CYBC1: variants seen among roughly 807,000 people sequenced by gnomAD.
CYBC1 encodes the protein essential for reactive oxygen species protein.
CYBC1 carries 22 observed loss-of-function variants against 21.7 expected under a neutral mutation model. The ratio of observed to expected loss-of-function variants is 1.02; its 90% CI spans 0.73 to 1.45. CYBC1 has a LOEUF of 1.45. Ranked by LOEUF, CYBC1 falls within the 40% of genes most tolerant of loss-of-function variation. The pLI is 0.00. For missense variants in CYBC1, 237 were observed against 242.1 expected (o/e 0.98, Z 0.14); for synonymous variants, 112 against 98.7 (o/e 1.13, Z -0.80).
Position 82,443,570 on chromosome 17 carries a change from T to A in CYBC1, c.*434A>T. On this transcript the variant is annotated 3_prime_UTR_variant, in exon 7 of 7. Transcript: ENST00000306645. This position sits in a 1 kb window ranked among gnomAD's most constrained non-coding sequence, Gnocchi z 6.7. Reference sequence around the variant, plus strand: ...GCCCGGCCTGGCCCCGCCTCTCCACTCGCCCGAGGTCTTGCTGTGGCCCAA... The same window carrying A: ...GCCCGGCCTGGCCCCGCCTCTCCACACGCCCGAGGTCTTGCTGTGGCCCAA... 2.8e-4 allele frequency: 189 copies of A among 669,176 alleles called. No homozygotes were observed. Among genetic ancestry groups the A allele is most frequent in the East Asian group, 5.9e-4 (20 of 33,684 alleles). 41.5% of individuals were successfully genotyped at this position (669,176 alleles called of 1,614,324 possible). A position where few individuals can be genotyped will look rare whatever the true frequency, so the allele number is the denominator to read the frequency against.
intron 2 of CYBC1, 93 bp downstream of exon 2, chr17:82,449,077 G>GA (rs2054448603): frequency 9.7e-7 from 1 of 1,033,636 alleles, no homozygotes; most frequent in South Asian, 1.6e-5. Context: ...CAAGGTAATA[G>GA]AAAAAAGAGA....
At chr17:82,449,327 C>T in intron 1 of CYBC1, 35 bp from the exon 2 acceptor site, 1 of 1,272,896 alleles carries the variant, frequency 7.9e-7, no homozygotes, top group Non-Finnish European at 1.0e-6. Flanking sequence ...GCCCTTGGGC[C>T]TGCACACAGG....
chr17:82,446,603 C>A lies in CYBC1; in HGVS notation c.201+20G>T. The A allele has an allele frequency of 6.2e-7, 1 of 1,613,324 alleles. No homozygotes were observed. The highest frequency in any genetic ancestry group is 8.5e-7 in the Non-Finnish European group (1 of 1,179,362). On this transcript the variant is annotated intron_variant, in intron 4 of 6. Coordinates refer to ENST00000306645, the MANE Select transcript of CYBC1 (RefSeq NM_001033046.4). Reference sequence around the variant, plus strand: ...AGCTGAACAGCCCTGGACTCTGTCCCGCACCCGAGCCGGCCTTACCTCCCA... The same window carrying A: ...AGCTGAACAGCCCTGGACTCTGTCCAGCACCCGAGCCGGCCTTACCTCCCA...
Position 82,443,680 on chromosome 17 carries a change from C to A in CYBC1, c.*324G>T. On this transcript the variant is annotated 3_prime_UTR_variant, in exon 7 of 7. Coordinates refer to ENST00000306645, the MANE Select transcript of CYBC1 (RefSeq NM_001033046.4). The surrounding 1 kb of genome is among the most constrained non-coding windows in gnomAD (Gnocchi z 6.7). ...ATGGAGAAAGTCTGGATGTCCTGGT[C>A]TGGCCTGCTGTTTCATGCAGTGTGC... 1.3e-6 allele frequency: 1 copy of A among 768,812 alleles called. No individual in the cohort carries two copies. The highest frequency in any genetic ancestry group is 2.4e-6 in the Non-Finnish European group (1 of 421,292). The allele number at this position is 768,812 out of a possible 1,614,324, so 47.6% of individuals were successfully genotyped here. A position where few individuals can be genotyped will look rare whatever the true frequency, so the allele number is the denominator to read the frequency against.
At position 82,447,911 on chromosome 17, in the gene CYBC1, A is replaced by G. The variant is rs961597523; in HGVS notation, c.86-290T>C. Reference sequence around the variant, plus strand: ...GGAGTTTGAGACCAGCCTGGGCAACATAACGAGACCTCATTACTAAAGAAA... The same window carrying G: ...GGAGTTTGAGACCAGCCTGGGCAACGTAACGAGACCTCATTACTAAAGAAA... On this transcript the variant is annotated intron_variant, in intron 2 of 6. Coordinates refer to ENST00000306645, the MANE Select transcript of CYBC1 (RefSeq NM_001033046.4). 1.8e-5 allele frequency: 10 copies of G among 567,276 alleles called. No individual in the cohort carries two copies. The African/African-American group carries it at 1.9e-4, about 11-fold the overall frequency. 35.1% of individuals were successfully genotyped at this position (567,276 alleles called of 1,614,324 possible).
At chr17:82,447,699 C>T (rs764732858) in intron 2 of CYBC1, 78 bp from the exon 3 acceptor site, 9 of 1,329,514 alleles carry the variant, frequency 6.8e-6, no homozygotes, top group African/African-American at 1.4e-5. Context: ...CCAGGAGCCA[C>T]AGCCCCTGAT....
chr17:82,444,480 G>A lies in CYBC1; in HGVS notation c.410C>T (p.Pro137Leu). ...GCCCATGACTGCACTCTGCGTGAGG[G>A]GGTGGGAGAAGCCCGTCGCAAGCCG... ...VLRLATGFSHPLTQSAVMGHR... is the reference protein window; with the variant it reads ...VLRLATGFSHLLTQSAVMGHR... Residue 137 changes from proline to leucine, a missense_variant, in exon 6 of 7, where the codon CCC becomes CTC. Coordinates refer to ENST00000306645, the MANE Select transcript of CYBC1 (RefSeq NM_001033046.4). 1 of 1,613,594 alleles carries A rather than the reference G, an allele frequency of 6.2e-7. No homozygotes were observed. Among genetic ancestry groups the A allele is most frequent in the Non-Finnish European group, 8.5e-7 (1 of 1,179,694 alleles).
intron 3 of CYBC1, chr17:82,447,246 G>A: frequency 2.6e-6 from 1 of 390,372 alleles, no homozygotes; most frequent in Non-Finnish European, 4.7e-6. Context: ...CCAGCTACTT[G>A]GGAGGCTGAG....
At chr17:82,446,539 CCTT>C (rs1285054851) in intron 4 of CYBC1, 81 bp downstream of exon 4, 6 of 1,341,796 alleles carry the variant, frequency 4.5e-6, no homozygotes, top group African/African-American at 4.3e-5. Flanking sequence ...CACCCAGGGC[CCTT>C]CCTCCTCCTT....
chr17:82,444,704 A>C (rs1452597678), intron 5 of CYBC1, 113 bp from the exon 6 acceptor site: 18 of 1,377,324 alleles, frequency 1.3e-5, no homozygotes, highest in Non-Finnish European at 1.8e-5. Flanking sequence ...TTGGCAGCAA[A>C]AGCATTTGCT....
At chr17:82,449,130 C>T (rs1200594205) in intron 2 of CYBC1, 40 bp downstream of exon 2, 1 of 1,446,110 alleles carries the variant, frequency 6.9e-7, no homozygotes, top group Non-Finnish European at 9.3e-7. Flanking sequence ...AGTCAGGCTT[C>T]CGGTTCTGGG....
intron 3 of CYBC1, chr17:82,447,011 G>T: frequency 2.2e-6 from 1 of 460,544 alleles, no homozygotes; most frequent in Middle Eastern, 5.9e-4. Context: ...AGATCCTCAA[G>T]AGCATCTCTC....
chr17:82,443,915 G>T lies in CYBC1; in HGVS notation c.*89C>A. On this transcript the variant is annotated 3_prime_UTR_variant, in exon 7 of 7. Coordinates refer to ENST00000306645, the MANE Select transcript of CYBC1 (RefSeq NM_001033046.4). The surrounding 1 kb of genome is among the most constrained non-coding windows in gnomAD (Gnocchi z 6.7). ...TCAGGCACACCGGGAATGTGCCACG[G>T]GTCCTGTGGGCGGTGCACGGGCTCA... is the stretch of plus-strand genomic sequence containing the variant. 1 of 1,315,618 alleles carries T rather than the reference G, an allele frequency of 7.6e-7. No homozygotes were observed. Among genetic ancestry groups the T allele is most frequent in the Middle Eastern group, 2.5e-4 (1 of 3,934 alleles). 81.5% of individuals were successfully genotyped at this position (1,315,618 alleles called of 1,614,324 possible).
In CYBC1 at chr17:82,443,095, AAGAC is replaced by A. The variant is rs2054067734; in HGVS notation, c.*905_*908del. ...TTCCTGTTTGGTTAGTTTTTTTACAAAGACAGGATCTTGCTGTGTTGCCCAGGCT... is the reference window on the plus strand; with the variant it reads ...TTCCTGTTTGGTTAGTTTTTTTACAAAGGATCTTGCTGTGTTGCCCAGGCT... On this transcript the variant is annotated 3_prime_UTR_variant, in exon 7 of 7. Transcript: ENST00000306645. The surrounding 1 kb of genome is among the most constrained non-coding windows in gnomAD (Gnocchi z 6.7). The A allele has an allele frequency of 5.5e-6, 1 of 180,276 alleles. No individual in the cohort carries two copies. The highest frequency in any genetic ancestry group is 1.1e-4 in the South Asian group (1 of 9,022). The allele number at this position is 180,276 out of a possible 1,614,324, so 11.2% of individuals were successfully genotyped here.
chr17:82,449,282 G>T lies in CYBC1; in HGVS notation c.-28C>A. Reference sequence around the variant, plus strand: ...CGAGAGGGCAGCACCACTCTCTACAGGAGGAGGGGTCTGGGAACAGACAGA... The same window carrying T: ...CGAGAGGGCAGCACCACTCTCTACATGAGGAGGGGTCTGGGAACAGACAGA... On this transcript the variant is annotated 5_prime_UTR_variant, in exon 2 of 7. The change creates a new upstream start codon in the 5' untranslated region. Transcript: ENST00000306645. The T allele has an allele frequency of 6.6e-7, 1 of 1,507,676 alleles. No individual in the cohort carries two copies. The highest frequency in any genetic ancestry group is 1.4e-5 in the African/African-American group (1 of 71,044). 93.4% of individuals were successfully genotyped at this position (1,507,676 alleles called of 1,614,324 possible).
Position 82,442,601 on chromosome 17 carries a change from T to C in CYBC1, c.*1403A>G. 1 of 1,556,932 alleles carries C rather than the reference T, an allele frequency of 6.4e-7. No homozygotes were observed. Among genetic ancestry groups the C allele is most frequent in the Non-Finnish European group, 8.7e-7 (1 of 1,144,734 alleles). ...GGAGACCCGCTTTGTGATCTGCATG[T>C]GTGACACTGATTCTTTGGAAATAAA... On this transcript the variant is annotated 3_prime_UTR_variant, in exon 7 of 7. Transcript: ENST00000306645. This position sits in a 1 kb window ranked among gnomAD's most constrained non-coding sequence, Gnocchi z 6.8.
chr17:82,443,411 T>TGCAGCGTGCACAGCCAGGTAGGCC lies in CYBC1; in HGVS notation c.*569_*592dup. On this transcript the variant is annotated 3_prime_UTR_variant, in exon 7 of 7. Coordinates refer to ENST00000306645, the MANE Select transcript of CYBC1 (RefSeq NM_001033046.4). This position sits in a 1 kb window ranked among gnomAD's most constrained non-coding sequence, Gnocchi z 6.7. ...GGAGGGGCAGCTTCCACAGTGTGGC[T>TGCAGCGTGCACAGCCAGGTAGGCC]GCAGCGTGCACAGCCAGGTAGGCCC... 1 of 562,488 alleles carries TGCAGCGTGCACAGCCAGGTAGGCC rather than the reference T, an allele frequency of 1.8e-6. No individual in the cohort carries two copies. The highest frequency in any genetic ancestry group is 3.3e-6 in the Non-Finnish European group (1 of 302,568). 34.8% of individuals were successfully genotyped at this position (562,488 alleles called of 1,614,324 possible).
chr17:82,446,089 AC>A, intron 4 of CYBC1, 129 bp from the exon 5 acceptor site: 1 of 692,902 alleles, frequency 1.4e-6, no homozygotes. Context: ...CCCAGTCAGA[AC>A]CCAAACCCCT....
At chr17:82,444,360 C>T (rs2143690573) in intron 6 of CYBC1, 87 bp downstream of exon 6, 2 of 1,523,256 alleles carry the variant, frequency 1.3e-6, no homozygotes, top group South Asian at 1.3e-5. Context: ...TCTCCTCTCC[C>T]AGCTGCCCCA....
Sources: gnomAD v4.1 joint callset for allele counts on GRCh38, gnomAD v4.1.1 for gene constraint, Gnocchi (gnomAD v3.1) non-coding constraint, MANE v1.5 for transcripts, NCBI Gene and HGNC (gene_info 2026-07-23, HGNC 2026-07-21) for gene names.